Variants in GAN observed in about 807,000 individuals in gnomAD.
GAN encodes the protein gigaxonin.
In GAN, 48 loss-of-function variants were observed where a neutral mutation model predicts 71.3. That is an observed-to-expected ratio of 0.67 (90% confidence interval 0.53 to 0.86). The LOEUF (loss-of-function observed/expected upper bound fraction) is 0.86. Ranked by LOEUF, GAN falls within the 40% of genes least tolerant of loss-of-function variation. GAN has a pLI of 0.00. For synonymous variants in GAN, 386 were observed against 276.8 expected (o/e 1.39, Z -3.92); for missense variants, 928 against 770.1 (o/e 1.21, Z -2.43).
rs2150680439 is a variant in GAN, at chr16:81,345,616, G to T, written c.168-5967G>T. Among the ~76,000 whole-genome samples, 2 of 152,194 alleles carry T rather than the reference G, an allele frequency of 1.3e-5. 1 individual carries two copies. The highest frequency in any genetic ancestry group is 1.3e-4 in the Admixed American group (2 of 15,272). ...TGTTAGGGGTGGGGGCCTAGGGGAG[G>T]GATAACATTAGGAGAAATATCTGAT... On this transcript the variant is annotated intron_variant, in intron 1 of 10. Transcript: ENST00000648994.
intron 9 of GAN, among the ~76,000 whole-genome samples, chr16:81,375,637 A>G (rs2150697606): frequency 6.6e-6 from 1 of 152,174 alleles, no homozygotes; most frequent in South Asian, 2.1e-4. Context: ...CCAGTTTTAA[A>G]GTGAGCAAAC....
chr16:81,315,491 C>A (rs933884780), intron 1 of GAN, among the ~76,000 whole-genome samples: 2 of 151,928 alleles, frequency 1.3e-5, no homozygotes, highest in African/African-American at 4.8e-5. Flanking sequence ...TCCAGGCCCG[C>A]GCTCCCCACT....
chr16:81,351,557 A>T, intron 1 of GAN, 26 bp from the exon 2 acceptor site: 2 of 922,942 alleles, frequency 2.2e-6, no homozygotes, highest in Non-Finnish European at 3.6e-6. Context: ...TTTCATAGAA[A>T]TTTTACATTT....
chr16:81,329,135 C>G (rs1253553356), intron 1 of GAN, among the ~76,000 whole-genome samples: 1 of 151,722 alleles, frequency 6.6e-6, no homozygotes, highest in East Asian at 1.9e-4. Flanking sequence ...ACTGTCTCAT[C>G]TCCTGTTCCC....
rs1904378855 is a variant in GAN, at chr16:81,385,676, T to G, written c.*8080T>G. 6.6e-6 allele frequency: 1 copy of G among 152,134 alleles called. No homozygotes were observed. The highest frequency in any genetic ancestry group is 1.5e-5 in the Non-Finnish European group (1 of 68,104). 9.4% of individuals were successfully genotyped at this position (152,134 alleles called of 1,614,324 possible). Reference sequence around the variant, plus strand: ...TGGATGAGGCCAAGGCTGCCTGCACTGAGTGTCCCAGGCCTTATAGCTTTC... The same window carrying G: ...TGGATGAGGCCAAGGCTGCCTGCACGGAGTGTCCCAGGCCTTATAGCTTTC... On this transcript the variant is annotated 3_prime_UTR_variant, in exon 11 of 11. Transcript: ENST00000648994.
intron 1 of GAN, among the ~76,000 whole-genome samples, chr16:81,342,619 C>G (rs1488454701): frequency 6.6e-6 from 1 of 152,174 alleles, no homozygotes; most frequent in Non-Finnish European, 1.5e-5. Flanking sequence ...ATCTTTGGGA[C>G]ACATTTCAAG....
At chr16:81,350,840 CA>C (rs544980440) in intron 1 of GAN, among the ~76,000 whole-genome samples, 1 of 152,080 alleles carries the variant, frequency 6.6e-6, no homozygotes, top group South Asian at 2.1e-4. Context: ...TAACATAGCA[CA>C]AAAGAGTCAT....
intron 1 of GAN, among the ~76,000 whole-genome samples, chr16:81,332,133 C>T (rs1036205426): frequency 1.3e-5 from 2 of 150,572 alleles, no homozygotes; most frequent in South Asian, 2.1e-4. Flanking sequence ...TGCACTTCAG[C>T]CTGGGCAACG....
rs76115311 is a variant in GAN, at chr16:81,325,722, A to G, written c.167+10442A>G. 9.7e-3 allele frequency among the ~76,000 whole-genome samples: 1,483 copies of G among 152,312 alleles called. 26 individuals carry two copies. The highest frequency in any genetic ancestry group is 0.034 in the African/African-American group (1,433 of 41,556). On this transcript the variant is annotated intron_variant, in intron 1 of 10. Coordinates refer to ENST00000648994, the MANE Select transcript of GAN (RefSeq NM_022041.4). ...ATCAACTGGATGCTAATTGAACATG[A>G]GAACTAAGAATGAAGAAAAAAGAAG...
chr16:81,378,132 C>G lies in GAN; in HGVS notation c.*536C>G, dbSNP rs541843499. The stretch of plus-strand genomic sequence containing the variant: ...ATTGGACTGTATGCCAGTTAGTCTC[C>G]ATTTATTCCTAGTACTCTGTCCTAA... On this transcript the variant is annotated 3_prime_UTR_variant, in exon 11 of 11. Coordinates refer to ENST00000648994, the MANE Select transcript of GAN (RefSeq NM_022041.4). The G allele has an allele frequency of 5.8e-6, 1 of 171,300 alleles. No homozygotes were observed. The highest frequency in any genetic ancestry group is 5.4e-5 in the Admixed American group (1 of 18,430). The allele number at this position is 171,300 out of a possible 1,614,324, so 10.6% of individuals were successfully genotyped here.
intron 1 of GAN, among the ~76,000 whole-genome samples, chr16:81,319,348 T>C (rs571615263): frequency 2.6e-5 from 4 of 152,028 alleles, no homozygotes; most frequent in Admixed American, 2.6e-4. Flanking sequence ...AGGAAATTTA[T>C]TTTTCTTTTG....
At chr16:81,355,040 G>C (rs937880484) in intron 3 of GAN, among the ~76,000 whole-genome samples, 1 of 152,170 alleles carries the variant, frequency 6.6e-6, no homozygotes, top group African/African-American at 2.4e-5. Context: ...GCTTAAGCTG[G>C]AGATTATAGA....
intron 1 of GAN, among the ~76,000 whole-genome samples, chr16:81,337,403 T>A (rs911172883): frequency 3.9e-5 from 6 of 152,226 alleles, no homozygotes; most frequent in African/African-American, 1.2e-4. Flanking sequence ...TTGCTTTTAT[T>A]GGAGACAAGC....
chr16:81,373,471 G>C (rs1443481520), intron 9 of GAN, among the ~76,000 whole-genome samples: 2 of 152,214 alleles, frequency 1.3e-5, no homozygotes, highest in African/African-American at 4.8e-5. Context: ...TAATACTGTA[G>C]ACTTGTAGAA....
rs1188677494 is a variant in GAN at position 81,386,952 on chromosome 16, A to G, written c.*9356A>G. The G allele has an allele frequency of 6.6e-6, 1 of 152,272 alleles. No homozygotes were observed. Among genetic ancestry groups the G allele is most frequent in the African/African-American group, 2.4e-5 (1 of 41,450 alleles). The allele number at this position is 152,272 out of a possible 1,614,324, so 9.4% of individuals were successfully genotyped here. A position where few individuals can be genotyped will look rare whatever the true frequency, so the allele number is the denominator to read the frequency against. ...AAGGGCTAAACTCCATCTCAAAAGA[A>G]AAGAAAGAAAGGGAAGTAGAAGTAG... On this transcript the variant is annotated 3_prime_UTR_variant, in exon 11 of 11. Transcript: ENST00000648994.
Position 81,381,353 on chromosome 16 carries a change from C to G in GAN, c.*3757C>G, listed in dbSNP as rs543042363. ...CATGATTCAAGAGGCCTCCCGTGGT[C>G]AGATGAAGACCTTTGGTTAAATGGG... On this transcript the variant is annotated 3_prime_UTR_variant, in exon 11 of 11. Transcript: ENST00000648994. 2 of 152,308 alleles carry G rather than the reference C, an allele frequency of 1.3e-5. No individual in the cohort carries two copies. The highest frequency in any genetic ancestry group is 4.8e-5 in the African/African-American group (2 of 41,542). The allele number at this position is 152,308 out of a possible 1,614,324, so 9.4% of individuals were successfully genotyped here.
chr16:81,361,541 CT>C (rs572414487), intron 5 of GAN, among the ~76,000 whole-genome samples: 33 of 152,082 alleles, frequency 2.2e-4, no homozygotes, highest in Admixed American at 3.9e-4. Flanking sequence ...AAACTTCTGT[CT>C]TTTTCATCCC....
chr16:81,356,765 C>G lies in GAN; in HGVS notation c.634-20C>G, dbSNP rs775754136. On this transcript the variant is annotated intron_variant, in intron 3 of 10. Transcript: ENST00000648994. Reference sequence around the variant, plus strand: ...GCATTTTCCATTGTTTTCGCCCCATCTTTCTTCCCTCTTCTGCAGGTCCAC... The same window carrying G: ...GCATTTTCCATTGTTTTCGCCCCATGTTTCTTCCCTCTTCTGCAGGTCCAC... 6.5e-7 allele frequency: 1 copy of G among 1,544,382 alleles called. No homozygotes were observed. The highest frequency in any genetic ancestry group is 1.7e-5 in the Admixed American group (1 of 59,948).
rs145789614 is a variant in GAN, at chr16:81,354,521, C to T, written c.399C>T (p.Asn133=). 9 of 1,613,774 alleles carry T rather than the reference C, an allele frequency of 5.6e-6. No homozygotes were observed. Among genetic ancestry groups the T allele is most frequent in the Non-Finnish European group, 6.8e-6 (8 of 1,179,790 alleles). Reference sequence around the variant, plus strand: ...TGGAAGGCTGCATTGCTGCTGAGAACTGTATTGGTATCCGTGACTTTGCAC... The same window carrying T: ...TGGAAGGCTGCATTGCTGCTGAGAATTGTATTGGTATCCGTGACTTTGCAC... The part of the protein sequence containing the change: ...EFLEGCIAAE[N]CIGIRDFALH... Residue 133 remains asparagine, a synonymous_variant, in exon 3 of 11, where the codon AAC becomes AAT. Coordinates refer to ENST00000648994, the MANE Select transcript of GAN (RefSeq NM_022041.4).
Sources: allele counts gnomAD v4.1 joint callset (sites outside exome capture counted in the v4.1 genomes callset), GRCh38; gene constraint gnomAD v4.1.1; transcripts MANE v1.5; gene names NCBI Gene and HGNC (gene_info 2026-07-23, HGNC 2026-07-21).